Variants in TBC1D5 observed in about 807,000 individuals in gnomAD.
TBC1D5 encodes the protein TBC1 domain family member 5.
TBC1D5 carries 75 observed loss-of-function variants against 100.3 expected under a neutral mutation model. The ratio of observed to expected loss-of-function variants is 0.75; its 90% CI spans 0.62 to 0.91. TBC1D5 has a LOEUF of 0.91. Among genes scored for constraint, TBC1D5 ranks in the 40% least tolerant of loss-of-function variants. TBC1D5 has a pLI of 0.00. For synonymous variants in TBC1D5, 323 were observed against 325.6 expected, an observed-to-expected ratio of 0.99 and a Z score of 0.09; for missense variants, 910 against 942.4, an observed-to-expected ratio of 0.97 and a Z score of 0.45.
At chr3:17,667,900 G>A (rs972978666) in intron 1 of TBC1D5, among the ~76,000 whole-genome samples, 2 of 151,320 alleles carry the variant, frequency 1.3e-5, no homozygotes, top group African/African-American at 4.9e-5. Context: ...AATGATACAT[G>A]TTGTCTCCAG....
In TBC1D5 at chr3:17,227,857, T is replaced by G. The variant is rs532728642; in HGVS notation, c.1588+10306A>C. Among the ~76,000 whole-genome samples the G allele has an allele frequency of 4.6e-5, 7 of 151,818 alleles. No homozygotes were observed. In the South Asian group the frequency reaches 1.5e-3, roughly 32 times the overall value. ...CCACTGAACCTAAAATAAAAGTTTT[T>G]TTTTTTTTTTTTAAGAAAAAAACTA... On this transcript the variant is annotated intron_variant, in intron 17 of 21. Transcript: ENST00000253692.
intron 1 of TBC1D5, among the ~76,000 whole-genome samples, chr3:17,708,007 T>G (rs73170845): frequency 0.051 from 7,794 of 152,208 alleles, 613 homozygotes; most frequent in African/African-American, 0.17. Context: ...TGAAACCATA[T>G]TTGGTTCACT....
At chr3:17,652,799 C>A (rs34485427) in intron 1 of TBC1D5, among the ~76,000 whole-genome samples, 78,438 of 152,008 alleles carry the variant, frequency 0.52, 22,026 homozygotes, top group East Asian at 0.98. Flanking sequence ...AGACTACCTG[C>A]ACTAGGAAGT....
At chr3:17,571,613 GCTCT>G (rs1054759055) in intron 2 of TBC1D5, among the ~76,000 whole-genome samples, 6 of 151,796 alleles carry the variant, frequency 4.0e-5, no homozygotes, top group Non-Finnish European at 8.8e-5. Context: ...CCAGTCCATT[GCTCT>G]CTCTTTCTCT....
At chr3:17,533,074 G>GACACACACACAC (rs9310518) in intron 2 of TBC1D5, among the ~76,000 whole-genome samples, 1 of 144,960 alleles carries the variant, frequency 6.9e-6, no homozygotes, top group Non-Finnish European at 1.5e-5. Context: ...CACATACACA[G>GACACACACACAC]ACACACACAC....
chr3:17,403,387 G>A, intron 7 of TBC1D5, 139 bp from the exon 8 acceptor site: 1 of 455,392 alleles, frequency 2.2e-6, no homozygotes, highest in Middle Eastern at 6.1e-4. Context: ...CCTGAGACTG[G>A]GGTAATTTTT....
At chr3:17,257,257 CT>C (rs2077798666) in intron 16 of TBC1D5, among the ~76,000 whole-genome samples, 3 of 152,092 alleles carry the variant, frequency 2.0e-5, no homozygotes, top group African/African-American at 7.2e-5. Flanking sequence ...ATACTTTGTT[CT>C]TTTAAACATA....
intron 15 of TBC1D5, among the ~76,000 whole-genome samples, chr3:17,272,797 T>C (rs763328702): frequency 3.3e-5 from 5 of 152,212 alleles, no homozygotes; most frequent in Admixed American, 3.3e-4. Flanking sequence ...GTATATGGCA[T>C]TGATAATACT....
At chr3:17,495,099 A>G (rs1031296644) in intron 3 of TBC1D5, among the ~76,000 whole-genome samples, 1 of 152,170 alleles carries the variant, frequency 6.6e-6, no homozygotes, top group Non-Finnish European at 1.5e-5. Flanking sequence ...CCAACTGCCT[A>G]GTCAGTTCCA....
At chr3:17,674,101 T>C (rs1482852722) in intron 1 of TBC1D5, among the ~76,000 whole-genome samples, 2 of 151,928 alleles carry the variant, frequency 1.3e-5, no homozygotes, top group Non-Finnish European at 2.9e-5. Context: ...AACTTCTACA[T>C]ATTTGAAAAA....
chr3:17,613,194 G>T (rs184198817), intron 2 of TBC1D5, among the ~76,000 whole-genome samples: 4 of 152,058 alleles, frequency 2.6e-5, no homozygotes, highest in Non-Finnish European at 2.9e-5. Flanking sequence ...CTTCATCCAC[G>T]TCCCTGCAAA....
At chr3:17,166,525 C>T (rs544610665) in intron 21 of TBC1D5, among the ~76,000 whole-genome samples, 4 of 152,308 alleles carry the variant, frequency 2.6e-5, no homozygotes, top group South Asian at 2.1e-4. Context: ...CTGCTGCACA[C>T]GGGTTTGTAG....
At chr3:17,205,793 T>C (rs1458513186) in intron 18 of TBC1D5, among the ~76,000 whole-genome samples, 2 of 152,160 alleles carry the variant, frequency 1.3e-5, no homozygotes, top group Non-Finnish European at 2.9e-5. Context: ...TGTGATATAA[T>C]TGGCTGTGTC....
At chr3:17,177,375 G>T (rs2067888239) in intron 19 of TBC1D5, among the ~76,000 whole-genome samples, 1 of 152,098 alleles carries the variant, frequency 6.6e-6, no homozygotes, top group African/African-American at 2.4e-5. Context: ...TAAAACCAGG[G>T]GGAAACAACT....
intron 2 of TBC1D5, among the ~76,000 whole-genome samples, chr3:17,602,561 ATTTTTT>A (rs33956978): frequency 1.2e-3 from 89 of 74,510 alleles, no homozygotes; most frequent in Non-Finnish European, 1.2e-3. Flanking sequence ...AGAGAATCAG[ATTTTTT>A]TTTTTTTTTT....
chr3:17,353,246 T>C (rs557124345), intron 13 of TBC1D5, among the ~76,000 whole-genome samples: 7 of 152,214 alleles, frequency 4.6e-5, no homozygotes, highest in African/African-American at 7.2e-5. Flanking sequence ...TAGGGGTTTG[T>C]AATGCTTCAT....
chr3:17,308,226 G>A (rs967631736), intron 13 of TBC1D5, 92 bp from the exon 14 acceptor site: 1 of 1,231,838 alleles, frequency 8.1e-7, no homozygotes, highest in South Asian at 2.1e-5. Flanking sequence ...ACTATTAACT[G>A]AACACAGTGA....
At chr3:17,325,244 C>A (rs62245913) in intron 13 of TBC1D5, among the ~76,000 whole-genome samples, 1 of 144,264 alleles carries the variant, frequency 6.9e-6, no homozygotes, top group African/African-American at 2.6e-5. Context: ...TGTGGTATAT[C>A]CAGAAACTGG....
intron 1 of TBC1D5, among the ~76,000 whole-genome samples, chr3:17,641,920 G>T (rs191480542): frequency 2.6e-5 from 4 of 152,138 alleles, no homozygotes; most frequent in African/African-American, 9.6e-5. Context: ...ACACAAAAAA[G>T]AATAAAATGC....
Sources: gnomAD v4.1 joint callset for allele counts (sites outside exome capture counted in the v4.1 genomes callset) on GRCh38, gnomAD v4.1.1 for gene constraint, MANE v1.5 for transcripts, NCBI Gene and HGNC (gene_info 2026-07-23, HGNC 2026-07-21) for gene names.